NRXN3: variants seen among roughly 807,000 people sequenced by gnomAD.
NRXN3 encodes the protein neurexin 3.
Under a neutral mutation model 137.6 loss-of-function variants are expected in NRXN3, and 32 were observed. The ratio of observed to expected loss-of-function variants is 0.23; its 90% CI spans 0.18 to 0.31. The LOEUF is 0.31. NRXN3 is among the 10% of genes least tolerant of loss of function. The probability of loss-of-function intolerance (pLI) is 1.00; values close to 1 mark genes in which losing one functional copy is unlikely to be tolerated. For synonymous variants in NRXN3, 798 were observed against 784.5 expected, an observed-to-expected ratio of 1.02 and a Z score of -0.29; for missense variants, 1,574 against 2,062.5, an observed-to-expected ratio of 0.76 and a Z score of 4.59.
At chr14:79,229,284 T>G (rs955100397) in intron 15 of NRXN3, among the ~76,000 whole-genome samples, 3 of 152,240 alleles carry the variant, frequency 2.0e-5, no homozygotes, top group Non-Finnish European at 4.4e-5. Flanking sequence ...AGGGTAAAAT[T>G]TAATACATAA....
chr14:78,421,760 T>C (rs1489339788), intron 4 of NRXN3, among the ~76,000 whole-genome samples: 1 of 152,168 alleles, frequency 6.6e-6, no homozygotes, highest in African/African-American at 2.4e-5. Context: ...TGTGAGCTCA[T>C]GCGATCTGCC....
At chr14:79,035,434 T>G (rs2152507519) in intron 15 of NRXN3, among the ~76,000 whole-genome samples, 1 of 152,210 alleles carries the variant, frequency 6.6e-6, no homozygotes, top group South Asian at 2.1e-4. Flanking sequence ...GATATTCTCC[T>G]TTGACAGCCA....
intron 10 of NRXN3, among the ~76,000 whole-genome samples, chr14:78,890,935 G>T (rs966280687): frequency 6.6e-6 from 1 of 151,922 alleles, no homozygotes; most frequent in African/African-American, 2.4e-5. Flanking sequence ...TCAAAATGCT[G>T]CCATCATACC....
intron 8 of NRXN3, among the ~76,000 whole-genome samples, chr14:78,717,919 A>G (rs1410150793): frequency 2.0e-5 from 3 of 152,208 alleles, no homozygotes; most frequent in Non-Finnish European, 4.4e-5. Context: ...GGCCACTTCT[A>G]TATGGAAGGA....
chr14:79,201,288 A>G (rs953159277), intron 15 of NRXN3: 4 of 152,210 alleles, frequency 2.6e-5, no homozygotes, highest in African/African-American at 9.6e-5. Flanking sequence ...TGGTGAAAAT[A>G]TAGCATTTGT....
At chr14:79,623,855 T>TTTTG (rs1229253819) in intron 16 of NRXN3, among the ~76,000 whole-genome samples, 1 of 151,112 alleles carries the variant, frequency 6.6e-6, no homozygotes, top group East Asian at 1.9e-4. Context: ...TCCTGTTTTT[T>TTTTG]TTTTTTTTTT....
chr14:78,305,507 G>C (rs2077281516), intron 4 of NRXN3, among the ~76,000 whole-genome samples: 3 of 152,068 alleles, frequency 2.0e-5, no homozygotes, highest in Admixed American at 1.3e-4. Flanking sequence ...GGCCAAACTG[G>C]AAAGATATAA....
intron 16 of NRXN3, among the ~76,000 whole-genome samples, chr14:79,551,579 C>G (rs1319386393): frequency 1.3e-5 from 2 of 152,062 alleles, no homozygotes; most frequent in African/African-American, 2.4e-5. Context: ...ATGTTTTCTT[C>G]GTCAAGAGTT....
intron 16 of NRXN3, among the ~76,000 whole-genome samples, chr14:79,525,614 C>CG (rs1291477306): frequency 6.6e-6 from 1 of 152,212 alleles, no homozygotes; most frequent in Non-Finnish European, 1.5e-5. Flanking sequence ...CTGAAGGGCT[C>CG]TTCCTGGTCA....
chr14:79,021,359 A>T (rs370405353), intron 15 of NRXN3, among the ~76,000 whole-genome samples: 1 of 152,210 alleles, frequency 6.6e-6, no homozygotes, highest in Non-Finnish European at 1.5e-5. Context: ...GATATGGAAG[A>T]TGCTCTTCAG....
At chr14:78,991,293 T>G (rs1289374787) in intron 15 of NRXN3, among the ~76,000 whole-genome samples, 1 of 152,180 alleles carries the variant, frequency 6.6e-6, no homozygotes, top group Non-Finnish European at 1.5e-5. Flanking sequence ...ATAACAGAAA[T>G]GGGTCACAGC....
chr14:79,323,013 C>G (rs761667593), intron 15 of NRXN3, among the ~76,000 whole-genome samples: 2 of 152,136 alleles, frequency 1.3e-5, no homozygotes, highest in African/African-American at 2.4e-5. Context: ...ACATCTGTTG[C>G]AATACATACA....
intron 19 of NRXN3, among the ~76,000 whole-genome samples, chr14:79,742,294 T>C (rs530951325): frequency 2.7e-4 from 41 of 152,352 alleles, no homozygotes; most frequent in Non-Finnish European, 4.3e-4. Flanking sequence ...CATGATAATG[T>C]ACCTCTTGTT....
Position 78,709,498 on chromosome 14 carries a change from G to A in NRXN3, c.1503G>A (p.Lys501=). The A allele has an allele frequency of 6.2e-7, 1 of 1,614,096 alleles. No individual in the cohort carries two copies. The highest frequency in any genetic ancestry group is 8.5e-7 in the Non-Finnish European group (1 of 1,180,022). Residue 501 remains lysine, a synonymous_variant, in exon 7 of 21, where the codon AAG becomes AAA. Transcript: ENST00000335750. Reference sequence around the variant, plus strand: ...AGAGGAAGGATGCTCGGAGCCAGAAGAATACAAAAGTAGACTTCTTTGCCG... The same window carrying A: ...AGAGGAAGGATGCTCGGAGCCAGAAAAATACAAAAGTAGACTTCTTTGCCG... The part of the protein sequence containing the change: ...PQERKDARSQ[K]NTKVDFFAVE...
chr14:79,297,444 C>A (rs574826031), intron 15 of NRXN3, among the ~76,000 whole-genome samples: 43 of 152,102 alleles, frequency 2.8e-4, no homozygotes, highest in Non-Finnish European at 4.7e-4. Context: ...GTTAACTGGG[C>A]ATCCTATATT....
At chr14:79,062,476 G>A (rs1437725401) in intron 15 of NRXN3, among the ~76,000 whole-genome samples, 4 of 151,956 alleles carry the variant, frequency 2.6e-5, no homozygotes, top group Non-Finnish European at 5.9e-5. Context: ...ACTGACTCAG[G>A]CCCCCCAGAA....
chr14:78,224,043 G>A lies in NRXN3; in HGVS notation c.-703-18348G>A, dbSNP rs554435293. Among the ~76,000 whole-genome samples the A allele has an allele frequency of 2.0e-5, 3 of 152,142 alleles. 1 individual carries two copies. The highest frequency in any genetic ancestry group is 7.2e-5 in the African/African-American group (3 of 41,506). ...CTTATTAGTCTGTCTGTGTCCTGCTGTATTCCTTTCAAAACCGGGTCCCAC... is the reference window on the plus strand; with the variant it reads ...CTTATTAGTCTGTCTGTGTCCTGCTATATTCCTTTCAAAACCGGGTCCCAC... On this transcript the variant is annotated intron_variant, in intron 1 of 20. Coordinates refer to ENST00000335750, the MANE Select transcript of NRXN3 (RefSeq NM_001330195.2).
At chr14:78,502,529 A>G (rs957580832) in intron 4 of NRXN3, among the ~76,000 whole-genome samples, 63 of 152,224 alleles carry the variant, frequency 4.1e-4, no homozygotes, top group South Asian at 2.1e-3. Flanking sequence ...ACAGCCTATG[A>G]ATATTCTTTT....
rs536428486 is a variant in NRXN3, at chr14:78,216,763, G to C, written c.-703-25628G>C. The stretch of plus-strand genomic sequence containing the variant: ...GCCAGAAGTCTGAAACCAAGGTGTT[G>C]GCAGGGCCACGGTCCCTCTGAAGGC... On this transcript the variant is annotated intron_variant, in intron 1 of 20. Coordinates refer to ENST00000335750, the MANE Select transcript of NRXN3 (RefSeq NM_001330195.2). Among the ~76,000 whole-genome samples the C allele has an allele frequency of 4.6e-5, 7 of 152,334 alleles. No individual in the cohort carries two copies. The South Asian group carries it at 1.2e-3, about 27-fold the overall frequency.
Sources: allele counts gnomAD v4.1 joint callset (sites outside exome capture counted in the v4.1 genomes callset), GRCh38; gene constraint gnomAD v4.1.1; transcripts MANE v1.5; gene names NCBI Gene and HGNC (gene_info 2026-07-23, HGNC 2026-07-21).